Variants in RIMBP2 observed in about 807,000 individuals in gnomAD.
RIMBP2 encodes RIMS binding protein 2.
Under a neutral mutation model 118.6 loss-of-function variants are expected in RIMBP2, and 48 were observed. The ratio of observed to expected loss-of-function variants is 0.40; its 90% CI spans 0.32 to 0.51. RIMBP2 has a LOEUF of 0.51. Ranked by LOEUF, RIMBP2 falls within the 20% of genes least tolerant of loss-of-function variation. RIMBP2 has a pLI of 0.41. For missense variants in RIMBP2, 1,551 were observed against 1,768.3 expected, an observed-to-expected ratio of 0.88 and a Z score of 2.20; for synonymous variants, 762 against 742.9, an observed-to-expected ratio of 1.03 and a Z score of -0.42.
chr12:130,446,302 G>T lies in RIMBP2; in HGVS notation c.582-1033C>A, dbSNP rs1252249118. 6.6e-6 allele frequency among the ~76,000 whole-genome samples: 1 copy of T among 152,210 alleles called. No homozygotes were observed. The highest frequency in any genetic ancestry group is 2.4e-5 in the African/African-American group (1 of 41,446). ...ATTCATGCATCAGTGGCACTGTGCA[G>T]TTTACCAACACTTTCATACACGTTT... On this transcript the variant is annotated intron_variant, in intron 9 of 22. Coordinates refer to ENST00000690449, the MANE Select transcript of RIMBP2 (RefSeq NM_001393629.1). This position sits in a 1 kb window ranked among gnomAD's most constrained non-coding sequence, Gnocchi z 4.1.
chr12:130,444,608 T>C (rs4409881), intron 10 of RIMBP2, among the ~76,000 whole-genome samples: 8,222 of 152,152 alleles, frequency 0.054, 749 homozygotes, highest in African/African-American at 0.19. Context: ...CAACAAAAGG[T>C]GGGGCCTTTC....
In RIMBP2 at chr12:130,419,583, A is replaced by G. The variant is rs959308630; in HGVS notation, c.3238+2870T>C. On this transcript the variant is annotated intron_variant, in intron 17 of 22. Coordinates refer to ENST00000690449, the MANE Select transcript of RIMBP2 (RefSeq NM_001393629.1). The surrounding 1 kb of genome is among the most constrained non-coding windows in gnomAD (Gnocchi z 4.3). ...CCTGAAGAAAAGAGCTCCCCTTTTT[A>G]AGGGGCAAAGCTTTGTCAATAGAGT... 2 of 152,330 alleles carry G rather than the reference A, an allele frequency of 1.3e-5. No individual in the cohort carries two copies. Among genetic ancestry groups the G allele is most frequent in the South Asian group, 2.1e-4 (1 of 4,826 alleles). The allele number at this position is 152,330 out of a possible 1,614,324, so 9.4% of individuals were successfully genotyped here.
intron 3 of RIMBP2, among the ~76,000 whole-genome samples, chr12:130,513,250 C>T (rs1292450488): frequency 6.6e-6 from 1 of 152,158 alleles, no homozygotes; most frequent in Non-Finnish European, 1.5e-5. Context: ...GCTCACCACA[C>T]ACAAACACAA....
chr12:130,668,906 G>A (rs2064072792), intron 1 of RIMBP2, among the ~76,000 whole-genome samples: 1 of 152,228 alleles, frequency 6.6e-6, no homozygotes, highest in Admixed American at 6.5e-5. Flanking sequence ...GCCAAGCCAA[G>A]CCCCGAGAGC....
At chr12:130,689,245 C>T (rs541727051) in intron 1 of RIMBP2, among the ~76,000 whole-genome samples, 8 of 151,966 alleles carry the variant, frequency 5.3e-5, no homozygotes, top group Non-Finnish European at 8.8e-5. Context: ...CCAGCCTGGC[C>T]GATGTGGCGA....
intron 7 of RIMBP2, among the ~76,000 whole-genome samples, chr12:130,456,151 T>C (rs928062953): frequency 6.6e-6 from 1 of 152,226 alleles, no homozygotes; most frequent in African/African-American, 2.4e-5. Context: ...TCGTTGCCAG[T>C]GCAGACTCTG....
intron 4 of RIMBP2, among the ~76,000 whole-genome samples, chr12:130,482,352 G>C (rs1010751958): frequency 2.0e-5 from 3 of 152,224 alleles, no homozygotes; most frequent in Non-Finnish European, 4.4e-5. Flanking sequence ...TGGGGACACA[G>C]AACAGGACAA....
chr12:130,465,428 T>A (rs2080374097), intron 6 of RIMBP2: 1 of 152,450 alleles, frequency 6.6e-6, no homozygotes, highest in South Asian at 2.1e-4. Context: ...AGGCTCCTCA[T>A]GACGTTCCCC....
intron 21 of RIMBP2, among the ~76,000 whole-genome samples, chr12:130,402,036 T>A (rs1478532465): frequency 6.6e-6 from 1 of 152,198 alleles, no homozygotes; most frequent in Non-Finnish European, 1.5e-5. Context: ...CTGCACTGGT[T>A]ATTGCTCTTG....
intron 2 of RIMBP2, among the ~76,000 whole-genome samples, chr12:130,612,652 G>A (rs2060629344): frequency 6.6e-6 from 1 of 152,226 alleles, no homozygotes; most frequent in Non-Finnish European, 1.5e-5. Flanking sequence ...AGGAAACAGT[G>A]TAAATGCAAA....
chr12:130,564,584 G>A (rs1169924107), intron 2 of RIMBP2, among the ~76,000 whole-genome samples: 2 of 152,104 alleles, frequency 1.3e-5, no homozygotes, highest in African/African-American at 4.8e-5. Flanking sequence ...AAAAAGGAAG[G>A]GAATTCTACC....
intron 1 of RIMBP2, 90 bp from the exon 2 acceptor site, chr12:130,628,546 G>A (rs1256915257): frequency 6.6e-6 from 1 of 152,220 alleles, no homozygotes; most frequent in African/African-American, 2.4e-5. Context: ...TGATGCTTAA[G>A]AGCCAGGGAG....
intron 2 of RIMBP2, among the ~76,000 whole-genome samples, chr12:130,595,866 G>A (rs1004062068): frequency 1.3e-5 from 2 of 152,226 alleles, no homozygotes; most frequent in Non-Finnish European, 2.9e-5. Context: ...AGTGTGCAAG[G>A]AGCTTAAAGG....
intron 4 of RIMBP2, among the ~76,000 whole-genome samples, chr12:130,494,308 C>G (rs905408463): frequency 6.6e-6 from 1 of 152,126 alleles, no homozygotes; most frequent in African/African-American, 2.4e-5. Context: ...TCTGCCCCCG[C>G]CTCCACAGTC....
In RIMBP2 at chr12:130,429,530, GTAA is replaced by G. The variant is rs546039052; in HGVS notation, c.2254-1196_2254-1194del. The stretch of plus-strand genomic sequence containing the variant: ...TTCTGATGCACTCAGATTGATGAAT[GTAA>G]TACATCCATAAAGATATTCTGTTTT... On this transcript the variant is annotated intron_variant, in intron 14 of 22. Coordinates refer to ENST00000690449, the MANE Select transcript of RIMBP2 (RefSeq NM_001393629.1). 2.6e-5 allele frequency: 4 copies of G among 152,314 alleles called. No individual in the cohort carries two copies. In the South Asian group the frequency reaches 8.3e-4, roughly 32 times the overall value. 9.4% of individuals were successfully genotyped at this position (152,314 alleles called of 1,614,324 possible). A position where few individuals can be genotyped will look rare whatever the true frequency, so the allele number is the denominator to read the frequency against.
intron 1 of RIMBP2, among the ~76,000 whole-genome samples, chr12:130,638,262 G>A (rs1325273695): frequency 6.6e-6 from 1 of 152,152 alleles, no homozygotes; most frequent in East Asian, 1.9e-4. Context: ...ATAGGCGAAT[G>A]AATGATATAT....
chr12:130,481,061 G>A (rs921451197), intron 4 of RIMBP2, among the ~76,000 whole-genome samples: 4 of 152,158 alleles, frequency 2.6e-5, no homozygotes, highest in Non-Finnish European at 5.9e-5. Flanking sequence ...GGGGGGAGGC[G>A]AGGGAGTCCC....
chr12:130,576,563 T>G lies in RIMBP2; in HGVS notation c.-217+51759A>C, dbSNP rs754174693. Among the ~76,000 whole-genome samples, 45 of 152,008 alleles carry G rather than the reference T, an allele frequency of 3.0e-4. No individual in the cohort carries two copies. The highest frequency in any genetic ancestry group is 1.5e-3 in the Admixed American group (23 of 15,278). ...CAAAGCAATCACCCAGGAAAGAGAA[T>G]CAAGCCAGACTATTCAGTCCTCCCA... is the stretch of plus-strand genomic sequence containing the variant. On this transcript the variant is annotated intron_variant, in intron 2 of 22. Coordinates refer to ENST00000690449, the MANE Select transcript of RIMBP2 (RefSeq NM_001393629.1). This position sits in a 1 kb window ranked among gnomAD's most constrained non-coding sequence, Gnocchi z 4.2.
intron 2 of RIMBP2, among the ~76,000 whole-genome samples, chr12:130,531,915 G>A (rs1402892891): frequency 6.1e-5 from 9 of 147,404 alleles, no homozygotes; most frequent in Admixed American, 2.0e-4. Context: ...TAGGAGTTAC[G>A]TCTAATGAGA....
Sources: allele counts gnomAD v4.1 joint callset (sites outside exome capture counted in the v4.1 genomes callset), GRCh38; gene constraint gnomAD v4.1.1; non-coding constraint Gnocchi (gnomAD v3.1); transcripts MANE v1.5; gene names NCBI Gene and HGNC (gene_info 2026-07-23, HGNC 2026-07-21).